The following UBA7 variants were observed in gnomAD, a reference collection of about 807,000 sequenced individuals.
UBA7 encodes ubiquitin like modifier activating enzyme 7.
Under a neutral mutation model 113.0 loss-of-function variants are expected in UBA7, and 88 were observed. The ratio of observed to expected loss-of-function variants is 0.78; its 90% CI spans 0.66 to 0.93. The LOEUF (loss-of-function observed/expected upper bound fraction) is 0.93, where lower values mean the gene tolerates loss of function less well. Among genes scored for constraint, UBA7 ranks in the 40% least tolerant of loss-of-function variants. The probability of loss-of-function intolerance (pLI) is 0.00; values close to 1 mark genes in which losing one functional copy is unlikely to be tolerated. For missense variants in UBA7, 1,092 were observed against 1,266.4 expected (o/e 0.86, Z 2.09); for synonymous variants, 459 against 513.0 (o/e 0.89, Z 1.42).
At position 49,809,987 on chromosome 3, in the gene UBA7, G is replaced by A; in HGVS notation, c.1830C>T (p.His610=). ...TVRYFPSTAE[H]TLQWARHEFE... The stretch of plus-strand genomic sequence containing the variant: ...CCAGGGTGCTTCCTACCTGCAGGGT[G>A]TGCTCGGCTGTGCTAGGGAAGTACC... The change falls in exon 14 of 24, where the codon CAC becomes CAT. Residue 610 remains histidine (H), a synonymous_variant. Transcript: ENST00000333486. 1 of 1,613,838 alleles carries A rather than the reference G, an allele frequency of 6.2e-7. No homozygotes were observed.
In UBA7 at chr3:49,809,982, A is replaced by G; in HGVS notation, c.1835T>C (p.Leu612Pro). 2 of 1,613,836 alleles carry G rather than the reference A, an allele frequency of 1.2e-6. No homozygotes were observed. Among genetic ancestry groups the G allele is most frequent in the Non-Finnish European group, 1.7e-6 (2 of 1,179,894 alleles). The change falls in exon 14 of 24, where the codon CTG (leucine) becomes CCG (proline). Residue 612 changes from leucine (L) to proline (P), a missense_variant. Transcript: ENST00000333486. ...AGTCTCCAGGGTGCTTCCTACCTGC[A>G]GGGTGTGCTCGGCTGTGCTAGGGAA... ...RYFPSTAEHT[L>P]QWARHEFEEL...
chr3:49,813,711 A>AC lies in UBA7; in HGVS notation c.56+20dup, dbSNP rs749691743. ...AGGTCTGAAGACCATCCCACTCTCCACCCCCCACCTCGGGCCTCACAGCTG... is the reference window on the plus strand; with the variant it reads ...AGGTCTGAAGACCATCCCACTCTCCACCCCCCCACCTCGGGCCTCACAGCTG... On this transcript the variant is annotated intron_variant, in intron 1 of 23. Coordinates refer to ENST00000333486, the MANE Select transcript of UBA7 (RefSeq NM_003335.3). 5 of 1,613,102 alleles carry AC rather than the reference A, an allele frequency of 3.1e-6. No individual in the cohort carries two copies. The South Asian group carries it at 4.4e-5, about 14-fold the overall frequency.
intron 23 of UBA7, 128 bp downstream of exon 23, chr3:49,805,769 T>G (rs1051697823): frequency 2.7e-5 from 26 of 958,336 alleles, no homozygotes; most frequent in Non-Finnish European, 3.8e-5. Flanking sequence ...CTGGCTCCAT[T>G]TGGGGAAAGA....
chr3:49,810,150 AG>A lies in UBA7; in HGVS notation c.1666del (p.Leu556Ter). 6.2e-7 allele frequency: 1 copy of A among 1,613,158 alleles called. No individual in the cohort carries two copies. Among genetic ancestry groups the A allele is most frequent in the Non-Finnish European group, 8.5e-7 (1 of 1,180,004 alleles). On this transcript the variant is annotated frameshift_variant, in exon 14 of 24. Coordinates refer to ENST00000333486, the MANE Select transcript of UBA7 (RefSeq NM_003335.3). LOFTEE classifies it high-confidence loss of function. This position sits in a 1 kb window ranked among gnomAD's most constrained non-coding sequence, Gnocchi z 5.6. ...RYVAARCTHY[L>X]KPLLEAGTSG... Reference sequence around the variant, plus strand: ...TGTGCCTGCCTCCAGCAGTGGCTTCAGATAGTGGGTGCAACGAGCAGCCACA... The same window carrying A: ...TGTGCCTGCCTCCAGCAGTGGCTTCAATAGTGGGTGCAACGAGCAGCCACA...
Position 49,807,338 on chromosome 3 carries a change from C to T in UBA7, c.2715+398G>A, listed in dbSNP as rs550273925. 2.0e-5 allele frequency among the ~76,000 whole-genome samples: 3 copies of T among 152,186 alleles called. No individual in the cohort carries two copies. The highest frequency in any genetic ancestry group is 7.2e-5 in the African/African-American group (3 of 41,438). On this transcript the variant is annotated intron_variant, in intron 21 of 23. Coordinates refer to ENST00000333486, the MANE Select transcript of UBA7 (RefSeq NM_003335.3). The surrounding 1 kb of genome is among the most constrained non-coding windows in gnomAD (Gnocchi z 4.0). ...GCAAGCCTATTACCTTTTAACTCAG[C>T]TTGTAGGAGGTAGGCCAGGGCCCCC...
rs1256855835 is a variant in UBA7 at position 49,807,756 on chromosome 3, A to C, written c.2695T>G (p.Phe899Val). Residue 899 changes from phenylalanine to valine, a missense_variant, in exon 21 of 24, where the codon TTT (phenylalanine) becomes GTT (valine). This residue lies in a region of UBA7 where 500 missense variants were observed against 529.3 expected (regional missense o/e 0.94). Transcript: ENST00000333486. The surrounding 1 kb of genome is among the most constrained non-coding windows in gnomAD (Gnocchi z 4.0). ...CTCACCGTCTGGATGGCTGGGGCAA[A>C]AGGCATATAGCGGATGAGGTAGTTT... ...AENYLIRYMP[F>V]APAIQTFHHL... The C allele has an allele frequency of 3.7e-6, 6 of 1,611,328 alleles. No homozygotes were observed. Among genetic ancestry groups the C allele is most frequent in the Non-Finnish European group, 5.1e-6 (6 of 1,178,720 alleles).
Position 49,810,925 on chromosome 3 carries a change from A to G in UBA7, c.1230+59T>C. 6.2e-7 allele frequency: 1 copy of G among 1,610,158 alleles called. No individual in the cohort carries two copies. On this transcript the variant is annotated intron_variant, in intron 10 of 23. Transcript: ENST00000333486. The surrounding 1 kb of genome is among the most constrained non-coding windows in gnomAD (Gnocchi z 5.6). ...AATCAGGACCTGGAGGGCATTCCTC[A>G]TGCTTCTCCCCTAGTCCTGATTTTG...
Position 49,805,936 on chromosome 3 carries a change from C to A in UBA7, c.2870G>T (p.Gly957Val). ...CTGGGCCTGCTTTTCAGGTGACCAT[C>A]CGGCCGCATAGAGCAGGGCTGAGCC... ...LHGSALLYAA[G>V]WSPEKQAQHL... Residue 957 changes from glycine (G) to valine (V), a missense_variant, in exon 23 of 24, where the codon GGA becomes GTA. Around this residue, in one of 3 missense-constraint regions of UBA7, gnomAD observed 500 missense variants for 529.3 expected, o/e 0.94. Transcript: ENST00000333486. 6.4e-7 allele frequency: 1 copy of A among 1,561,502 alleles called. No homozygotes were observed. The highest frequency in any genetic ancestry group is 8.7e-7 in the Non-Finnish European group (1 of 1,152,690).
intron 4 of UBA7, 115 bp downstream of exon 4, chr3:49,812,947 G>A: frequency 7.7e-7 from 1 of 1,300,588 alleles, no homozygotes; most frequent in Non-Finnish European, 1.1e-6. Context: ...AGAAAGGCAT[G>A]CTGGGATAGA....
chr3:49,812,333 C>G, intron 6 of UBA7, 75 bp downstream of exon 6: 1 of 1,610,726 alleles, frequency 6.2e-7, no homozygotes, highest in South Asian at 1.1e-5. Flanking sequence ...AAAAACCCAT[C>G]CCAAGGGCCA....
chr3:49,811,466 G>T lies in UBA7; in HGVS notation c.940-11C>A, dbSNP rs1022573696. On this transcript the variant is annotated splice_polypyrimidine_tract_variant and intron_variant, in intron 8 of 23. Transcript: ENST00000333486. ...AGTCTCTGCATCAACCTGTTGGTAG[G>T]ACTCTGTGGGCATAGTAGCCCCAGC... The T allele has an allele frequency of 6.4e-7, 1 of 1,560,778 alleles. No homozygotes were observed. The highest frequency in any genetic ancestry group is 8.7e-7 in the Non-Finnish European group (1 of 1,152,226).
rs554429106 is a variant in UBA7, at chr3:49,812,414, C to T, written c.688G>A (p.Val230Met). Residue 230 changes from valine (V) to methionine (M), a missense_variant, in exon 6 of 24, where the codon GTG (valine) becomes ATG (methionine). Val to Met is a conservative substitution (Grantham distance 21, BLOSUM62 1). Around this residue, in one of 3 missense-constraint regions of UBA7, gnomAD observed 584 missense variants for 714.5 expected, o/e 0.82. Coordinates refer to ENST00000333486, the MANE Select transcript of UBA7 (RefSeq NM_003335.3). Reference protein sequence around the residue: ...LNDCDPRSIHVREDGSLEIGD... With the variant: ...LNDCDPRSIHMREDGSLEIGD... The stretch of plus-strand genomic sequence containing the variant: ...TGGAATGGGATTGGCTTACCCCGCA[C>T]GTGGATAGACCGGGGATCACAGTCG... 6.3e-5 allele frequency: 101 copies of T among 1,614,096 alleles called. No homozygotes were observed. The highest frequency in any genetic ancestry group is 3.3e-4 in the Middle Eastern group (2 of 6,084).
rs1434238960 is a variant in UBA7 at position 49,809,384 on chromosome 3, A to G, written c.2163+6T>C. 1 of 1,613,676 alleles carries G rather than the reference A, an allele frequency of 6.2e-7. No individual in the cohort carries two copies. The highest frequency in any genetic ancestry group is 1.1e-5 in the South Asian group (1 of 91,062). ...ATCTTGGAGCTCCCTACAGAATCCC[A>G]CTCACTTGGTTGGTGTCAAACTCCA... is the stretch of plus-strand genomic sequence containing the variant. On this transcript the variant is annotated splice_donor_region_variant and intron_variant, in intron 17 of 23. Transcript: ENST00000333486.
chr3:49,813,425 T>C, intron 2 of UBA7, 42 bp from the exon 3 acceptor site: 1 of 1,609,676 alleles, frequency 6.2e-7, no homozygotes, highest in Non-Finnish European at 8.5e-7. Context: ...GACACTCCTC[T>C]TGGGCCGTGC....
rs1253106027 is a variant in UBA7 at position 49,807,612 on chromosome 3, G to A, written c.2715+124C>T. ...CATAGCAGGAAGAGGGCTGGAGGGA[G>A]TCTTCAGGACTTCTGCACAGTCTGA... On this transcript the variant is annotated intron_variant, in intron 21 of 23. Transcript: ENST00000333486. This position sits in a 1 kb window ranked among gnomAD's most constrained non-coding sequence, Gnocchi z 4.0. The A allele has an allele frequency of 3.5e-5, 44 of 1,263,080 alleles. No homozygotes were observed. The highest frequency in any genetic ancestry group is 4.6e-5 in the Non-Finnish European group (43 of 926,432). The allele number at this position is 1,263,080 out of a possible 1,614,324, so 78.2% of individuals were successfully genotyped here. A position where few individuals can be genotyped will look rare whatever the true frequency, so the allele number is the denominator to read the frequency against.
chr3:49,807,715 G>T lies in UBA7; in HGVS notation c.2715+21C>A. The T allele has an allele frequency of 6.3e-7, 1 of 1,590,536 alleles. No homozygotes were observed. Among genetic ancestry groups the T allele is most frequent in the South Asian group, 1.2e-5 (1 of 86,236 alleles). ...GAAACCCAGGCCTAGTAGGGCTAAG[G>T]GTGGGGTATCATGGGCTCACCGTCT... On this transcript the variant is annotated intron_variant, in intron 21 of 23. Transcript: ENST00000333486. The surrounding 1 kb of genome is among the most constrained non-coding windows in gnomAD (Gnocchi z 4.0).
In UBA7 at chr3:49,812,857, A is replaced by G. The variant is rs529463850; in HGVS notation, c.468-119T>C. On this transcript the variant is annotated intron_variant, in intron 4 of 23. Coordinates refer to ENST00000333486, the MANE Select transcript of UBA7 (RefSeq NM_003335.3). ...AAGGAATGCAAGGAGAGGCTTGGGA[A>G]CTAGAATTTGAGAGGGTTACTGGAG... is the stretch of plus-strand genomic sequence containing the variant. 2.3e-6 allele frequency: 3 copies of G among 1,294,190 alleles called. No homozygotes were observed. The East Asian group carries it at 7.5e-5, about 33-fold the overall frequency. 80.2% of individuals were successfully genotyped at this position (1,294,190 alleles called of 1,614,324 possible). A position where few individuals can be genotyped will look rare whatever the true frequency, so the allele number is the denominator to read the frequency against.
rs957462285 is a variant in UBA7, at chr3:49,811,461, G to T, written c.940-6C>A. 8.3e-6 allele frequency: 13 copies of T among 1,564,544 alleles called. No homozygotes were observed. In the African/African-American group the frequency reaches 1.4e-4, roughly 16 times the overall value. On this transcript the variant is annotated splice_region_variant and splice_polypyrimidine_tract_variant and intron_variant, in intron 8 of 23. Coordinates refer to ENST00000333486, the MANE Select transcript of UBA7 (RefSeq NM_003335.3). ...ACCACAGTCTCTGCATCAACCTGTT[G>T]GTAGGACTCTGTGGGCATAGTAGCC...
Position 49,811,254 on chromosome 3 carries a change from C to T in UBA7, c.1122+19G>A. 1 of 1,613,678 alleles carries T rather than the reference C, an allele frequency of 6.2e-7. No individual in the cohort carries two copies. Among genetic ancestry groups the T allele is most frequent in the Non-Finnish European group, 8.5e-7 (1 of 1,179,852 alleles). On this transcript the variant is annotated intron_variant, in intron 9 of 23. Coordinates refer to ENST00000333486, the MANE Select transcript of UBA7 (RefSeq NM_003335.3). ...CTCCACATCTTCCCAGTACCCCCCA[C>T]ACCTATGCCTCTGCCCACCTTCAGC...
Sources: allele counts gnomAD v4.1 joint callset (sites outside exome capture counted in the v4.1 genomes callset), GRCh38; gene constraint gnomAD v4.1.1; regional missense constraint gnomAD v4.1.1; non-coding constraint Gnocchi (gnomAD v3.1); transcripts MANE v1.5; gene names NCBI Gene and HGNC (gene_info 2026-07-23, HGNC 2026-07-21).